The following CCDC88C variants were observed in gnomAD, a reference collection of about 807,000 sequenced individuals.
The protein encoded by CCDC88C is coiled-coil and HOOK domain protein 88C, also known as protein Daple.
CCDC88C carries 131 observed loss-of-function variants against 198.8 expected under a neutral mutation model. The ratio of observed to expected loss-of-function variants is 0.66; its 90% CI spans 0.57 to 0.76. CCDC88C has a LOEUF of 0.76. Among genes scored for constraint, CCDC88C ranks in the 30% least tolerant of loss-of-function variants. The pLI is 0.00. For missense variants in CCDC88C, 2,553 were observed against 2,631.6 expected, an observed-to-expected ratio of 0.97 and a Z score of 0.65; for synonymous variants, 1,166 against 1,114.7, an observed-to-expected ratio of 1.05 and a Z score of -0.92.
In CCDC88C at chr14:91,339,042, T is replaced by G; in HGVS notation, c.809+236A>C. On this transcript the variant is annotated intron_variant, in intron 8 of 29. Coordinates refer to ENST00000389857, the MANE Select transcript of CCDC88C (RefSeq NM_001080414.4). The surrounding 1 kb of genome is among the most constrained non-coding windows in gnomAD (Gnocchi z 5.8). ...CTGCTTCTGTGGACAACTTGCACCG[T>G]CTGGACGGGAGGAAACCCTGAAGAC... is the stretch of plus-strand genomic sequence containing the variant. 1.6e-6 allele frequency: 1 copy of G among 618,908 alleles called. No homozygotes were observed. Among genetic ancestry groups the G allele is most frequent in the South Asian group, 1.8e-5 (1 of 56,342 alleles). 38.3% of individuals were successfully genotyped at this position (618,908 alleles called of 1,614,324 possible).
At chr14:91,337,934 G>A in intron 10 of CCDC88C, 71 bp downstream of exon 10, 1 of 1,574,302 alleles carries the variant, frequency 6.4e-7, no homozygotes, top group Non-Finnish European at 8.6e-7. Flanking sequence ...CCCAAGGACA[G>A]GTCAGTCTGA....
At chr14:91,299,424 A>C (rs1422799641) in intron 21 of CCDC88C, among the ~76,000 whole-genome samples, 45 of 152,252 alleles carry the variant, frequency 3.0e-4, no homozygotes, top group Admixed American at 2.9e-3. Context: ...TGAAACAAGA[A>C]GGCAGCGTGC....
chr14:91,343,467 C>G, intron 5 of CCDC88C, 132 bp downstream of exon 5: 2 of 1,447,434 alleles, frequency 1.4e-6, no homozygotes, highest in Non-Finnish European at 1.8e-6. Flanking sequence ...TTCCAGGAAC[C>G]CAGCGGCCTT....
In CCDC88C at chr14:91,321,128, T is replaced by C. The variant is rs1414881873; in HGVS notation, c.1519A>G (p.Ser507Gly). ...TAAGGAGGCCGAGGTACCTTCTTGC[T>C]GAGCTGGTGGTTCTCCTTCTCCAGC... ...GELEKENHQLSKKIEKLQTQL... is the reference protein window; with the variant it reads ...GELEKENHQLGKKIEKLQTQL... The change falls in exon 13 of 30, where the codon AGC (serine) becomes GGC (glycine). Residue 507 changes from serine to glycine, a missense_variant. This residue lies in a region of CCDC88C where 1,260 missense variants were observed against 1,412.0 expected (regional missense o/e 0.89). Transcript: ENST00000389857. The C allele has an allele frequency of 1.2e-6, 2 of 1,609,208 alleles. No individual in the cohort carries two copies. Among genetic ancestry groups the C allele is most frequent in the East Asian group, 2.2e-5 (1 of 44,830 alleles).
At chr14:91,364,626 G>C (rs1467672846) in intron 3 of CCDC88C, among the ~76,000 whole-genome samples, 1 of 152,122 alleles carries the variant, frequency 6.6e-6, no homozygotes, top group Non-Finnish European at 1.5e-5. Flanking sequence ...GGGAGGGTTG[G>C]GGTGGGCCAG....
At chr14:91,370,188 G>A (rs1458915742) in intron 3 of CCDC88C, among the ~76,000 whole-genome samples, 1 of 152,168 alleles carries the variant, frequency 6.6e-6, no homozygotes, top group Non-Finnish European at 1.5e-5. Context: ...GTCCCTCTCT[G>A]AGCCACACCC....
intron 26 of CCDC88C, 99 bp downstream of exon 26, chr14:91,283,230 C>T: frequency 8.0e-7 from 1 of 1,252,524 alleles, no homozygotes; most frequent in Non-Finnish European, 1.1e-6. Context: ...ACCTCTCAGA[C>T]TGAGAGGGAG....
At chr14:91,379,542 T>C in intron 3 of CCDC88C, 1 of 490,826 alleles carries the variant, frequency 2.0e-6, no homozygotes, top group Non-Finnish European at 3.6e-6. Flanking sequence ...CTCCGGTGTT[T>C]CTCACTCCAT....
At chr14:91,388,210 G>A (rs1157797114) in intron 3 of CCDC88C, among the ~76,000 whole-genome samples, 1 of 152,200 alleles carries the variant, frequency 6.6e-6, no homozygotes, top group Non-Finnish European at 1.5e-5. Flanking sequence ...GCGGGAGACG[G>A]CCAGGGTGTG....
At chr14:91,281,428 C>A (rs755044602) in intron 27 of CCDC88C, 29 bp downstream of exon 27, 2 of 1,613,456 alleles carry the variant, frequency 1.2e-6, no homozygotes, top group East Asian at 4.5e-5. Flanking sequence ...GAAACCCAGG[C>A]TGGAGGACAC....
intron 13 of CCDC88C, among the ~76,000 whole-genome samples, chr14:91,317,296 G>A (rs1290131779): frequency 3.3e-5 from 5 of 152,208 alleles, no homozygotes; most frequent in African/African-American, 7.2e-5. Flanking sequence ...GGCTACATTC[G>A]GGGTGAGATG....
At chr14:91,349,493 C>T (rs983411935) in intron 4 of CCDC88C, among the ~76,000 whole-genome samples, 1 of 152,188 alleles carries the variant, frequency 6.6e-6, no homozygotes, top group Admixed American at 6.5e-5. Flanking sequence ...GGTTATAAAA[C>T]GACGTGAATT....
At position 91,283,443 on chromosome 14, in the gene CCDC88C, G is replaced by T; in HGVS notation, c.4516C>A (p.Leu1506Met). The change falls in exon 26 of 30, where the codon CTG becomes ATG. Residue 1506 changes from leucine (L) to methionine (M), a missense_variant. By Grantham distance (15) the Leu-to-Met change is conservative. Transcript: ENST00000389857. The part of the protein sequence containing the change: ...SLDRTDASTD[L>M]AMRSWPSELG... ...TCCGAGGGCCAGGACCTCATGGCCA[G>T]ATCGGTGGAGGCATCTGTGCGGTCA... The T allele has an allele frequency of 6.2e-7, 1 of 1,613,510 alleles. No homozygotes were observed. The highest frequency in any genetic ancestry group is 1.1e-5 in the South Asian group (1 of 90,898).
chr14:91,307,281 GC>G, intron 17 of CCDC88C, 55 bp from the exon 18 acceptor site: 1 of 1,557,578 alleles, frequency 6.4e-7, no homozygotes, highest in Non-Finnish European at 8.8e-7. Flanking sequence ...CTGGCCTGGA[GC>G]CCCGAGTGAG....
At chr14:91,287,274 CCT>C (rs1890449619) in intron 25 of CCDC88C, among the ~76,000 whole-genome samples, 1 of 152,076 alleles carries the variant, frequency 6.6e-6, no homozygotes, top group African/African-American at 2.4e-5. Flanking sequence ...TCCTTCTCAC[CCT>C]GTCTTACGGT....
At chr14:91,400,371 C>T (rs1886102247) in intron 3 of CCDC88C, among the ~76,000 whole-genome samples, 1 of 152,262 alleles carries the variant, frequency 6.6e-6, no homozygotes, top group Admixed American at 6.5e-5. Context: ...AGGCACATCT[C>T]CCAGCAGTCT....
At chr14:91,387,387 T>C (rs1448315516) in intron 3 of CCDC88C, among the ~76,000 whole-genome samples, 1 of 152,320 alleles carries the variant, frequency 6.6e-6, no homozygotes, top group Admixed American at 6.5e-5. Context: ...TACACTCCGC[T>C]GCGTCTTCTT....
At chr14:91,307,835 G>A (rs1171739718) in intron 17 of CCDC88C, among the ~76,000 whole-genome samples, 1 of 152,160 alleles carries the variant, frequency 6.6e-6, no homozygotes, top group Non-Finnish European at 1.5e-5. Flanking sequence ...TGTGTAGAGA[G>A]CATGCATGTA....
chr14:91,371,496 C>T lies in CCDC88C; in HGVS notation c.271-11785G>A, dbSNP rs1021667487. ...CCGGTGGCAGGAGTACAGAGGCCGG[C>T]GGTGGCAGGAGTACAGCACAGACCA... On this transcript the variant is annotated intron_variant, in intron 3 of 29. Coordinates refer to ENST00000389857, the MANE Select transcript of CCDC88C (RefSeq NM_001080414.4). This position sits in a 1 kb window ranked among gnomAD's most constrained non-coding sequence, Gnocchi z 4.2. 3.3e-5 allele frequency among the ~76,000 whole-genome samples: 5 copies of T among 152,040 alleles called. No individual in the cohort carries two copies. Among genetic ancestry groups the T allele is most frequent in the Admixed American group, 6.6e-5 (1 of 15,266 alleles).
Sources: allele counts gnomAD v4.1 joint callset (sites outside exome capture counted in the v4.1 genomes callset), GRCh38; gene constraint gnomAD v4.1.1; regional missense constraint gnomAD v4.1.1; non-coding constraint Gnocchi (gnomAD v3.1); transcripts MANE v1.5; gene names NCBI Gene and HGNC (gene_info 2026-07-23, HGNC 2026-07-21).